Variants in RBM6 observed in about 807,000 individuals in gnomAD.
RBM6 encodes the protein RNA binding motif protein 6.
A neutral mutation model predicts 140.4 loss-of-function variants in RBM6; 23 were observed. The observed-to-expected ratio is 0.16, with a 90% confidence interval of 0.12 to 0.23. RBM6 has a LOEUF of 0.23. Among genes scored for constraint, RBM6 ranks in the 10% least tolerant of loss-of-function variants. The pLI is 1.00. For synonymous variants in RBM6, 439 were observed against 475.6 expected, an observed-to-expected ratio of 0.92 and a Z score of 1.00; for missense variants, 1,139 against 1,386.7, an observed-to-expected ratio of 0.82 and a Z score of 2.84.
intron 8 of RBM6, among the ~76,000 whole-genome samples, chr3:50,055,217 C>T (rs1181619560): frequency 6.6e-6 from 1 of 152,220 alleles, no homozygotes; most frequent in Non-Finnish European, 1.5e-5. Flanking sequence ...CACCTGTGGT[C>T]AGGAGTTCAA....
At chr3:50,067,732 C>G (rs1027635001) in intron 17 of RBM6, among the ~76,000 whole-genome samples, 2 of 152,222 alleles carry the variant, frequency 1.3e-5, no homozygotes, top group Non-Finnish European at 2.9e-5. Context: ...TAAATGGACT[C>G]ACATTCTCAG....
intron 5 of RBM6, among the ~76,000 whole-genome samples, chr3:49,984,624 TC>T (rs2085471813): frequency 1.7e-4 from 7 of 40,538 alleles, no homozygotes; most frequent in Admixed American, 1.2e-3. Context: ...TCGCATCGCA[TC>T]GCATCGCATC....
rs1218531158 is a variant in RBM6, at chr3:49,951,843, C to G, written c.-66-10733C>G. ...GTTCAAGTGATTCTTCTGCCTCAAC[C>G]TCCCAAGTAGCTGGGAATACAGGTG... is the stretch of plus-strand genomic sequence containing the variant. On this transcript the variant is annotated intron_variant, in intron 1 of 20. Coordinates refer to ENST00000266022, the MANE Select transcript of RBM6 (RefSeq NM_005777.3). 3.3e-5 allele frequency among the ~76,000 whole-genome samples: 5 copies of G among 152,164 alleles called. No homozygotes were observed. The South Asian group carries it at 6.2e-4, about 19-fold the overall frequency.
chr3:50,075,308 C>T lies in RBM6; in HGVS notation c.3224C>T (p.Pro1075Leu). 6.2e-7 allele frequency: 1 copy of T among 1,613,720 alleles called. No individual in the cohort carries two copies. ...RKGTGLGYGH[P>L]GLASSEEAEG... ...GGGACAGGCCTGGGATATGGCCATC[C>T]TGGATTGGCTTCATCAGAGGAGGTA... The change falls in exon 20 of 21, where the codon CCT becomes CTT. Residue 1075 changes from proline to leucine, a missense_variant. Coordinates refer to ENST00000266022, the MANE Select transcript of RBM6 (RefSeq NM_005777.3).
At chr3:49,997,802 GT>G (rs2086155087) in intron 5 of RBM6, among the ~76,000 whole-genome samples, 1 of 152,200 alleles carries the variant, frequency 6.6e-6, no homozygotes, top group African/African-American at 2.4e-5. Context: ...TGTTCAATGA[GT>G]TTGATCAAGA....
chr3:50,009,806 C>T (rs1050052243), intron 6 of RBM6, among the ~76,000 whole-genome samples: 1 of 152,084 alleles, frequency 6.6e-6, no homozygotes, highest in Non-Finnish European at 1.5e-5. Flanking sequence ...CTCAAGCAGT[C>T]CTGCCTCAGA....
chr3:49,994,642 C>A (rs1227897318), intron 5 of RBM6, among the ~76,000 whole-genome samples: 1 of 145,790 alleles, frequency 6.9e-6, no homozygotes, highest in African/African-American at 2.7e-5. Flanking sequence ...AAAAATAATA[C>A]TTTTTGTTTG....
chr3:49,980,618 C>T (rs1029766129), intron 5 of RBM6, among the ~76,000 whole-genome samples: 13 of 151,284 alleles, frequency 8.6e-5, no homozygotes, highest in African/African-American at 2.2e-4. Context: ...AAAAATTAGC[C>T]GGGCGTGGTG....
intron 6 of RBM6, among the ~76,000 whole-genome samples, chr3:50,012,336 C>A (rs1048410921): frequency 6.6e-6 from 1 of 152,020 alleles, no homozygotes; most frequent in Non-Finnish European, 1.5e-5. Context: ...GCATGAACCA[C>A]CATGCCCAGT....
chr3:49,949,495 C>T (rs1359312774), intron 1 of RBM6, among the ~76,000 whole-genome samples: 1 of 151,916 alleles, frequency 6.6e-6, no homozygotes, highest in Non-Finnish European at 1.5e-5. Flanking sequence ...CGGGTTCAAG[C>T]GATTCTCCTG....
At chr3:49,992,134 A>G (rs1316846906) in intron 5 of RBM6, among the ~76,000 whole-genome samples, 3 of 151,822 alleles carry the variant, frequency 2.0e-5, no homozygotes, top group Non-Finnish European at 4.4e-5. Context: ...AACCTTTTGT[A>G]GAGATAGTGT....
chr3:50,051,960 CT>C (rs1217046314), intron 7 of RBM6, among the ~76,000 whole-genome samples: 7 of 152,140 alleles, frequency 4.6e-5, no homozygotes, highest in Admixed American at 2.6e-4. Context: ...CACTAGATTT[CT>C]TTTGGGGTGA....
At chr3:49,979,476 G>C (rs532341524) in intron 5 of RBM6, among the ~76,000 whole-genome samples, 1 of 136,358 alleles carries the variant, frequency 7.3e-6, no homozygotes. Context: ...TCTTGCTCCC[G>C]TTGTGTAGGC....
chr3:49,955,844 G>GTCTCTCTCTC (rs150607037), intron 1 of RBM6, among the ~76,000 whole-genome samples: 1 of 145,014 alleles, frequency 6.9e-6, no homozygotes, highest in African/African-American at 2.5e-5. Context: ...CTCTCTCTGT[G>GTCTCTCTCTC]TCTCTCTCTC....
At chr3:49,979,115 C>T (rs2085187443) in intron 5 of RBM6, among the ~76,000 whole-genome samples, 1 of 152,104 alleles carries the variant, frequency 6.6e-6, no homozygotes, top group Non-Finnish European at 1.5e-5. Flanking sequence ...GAATGAAATA[C>T]TGATGTATGC....
At chr3:49,956,251 G>A (rs1241864167) in intron 1 of RBM6, among the ~76,000 whole-genome samples, 2 of 149,676 alleles carry the variant, frequency 1.3e-5, no homozygotes, top group African/African-American at 2.5e-5. Context: ...CTCAAACTGG[G>A]TTCAAACAAT....
intron 9 of RBM6, 28 bp downstream of exon 9, chr3:50,058,031 G>A: frequency 6.2e-7 from 1 of 1,604,674 alleles, no homozygotes; most frequent in Admixed American, 1.7e-5. Flanking sequence ...GCACATACCA[G>A]ACTGTGATCA....
intron 6 of RBM6, among the ~76,000 whole-genome samples, chr3:50,009,436 T>C (rs1256027461): frequency 6.6e-6 from 1 of 152,246 alleles, no homozygotes; most frequent in African/African-American, 2.4e-5. Context: ...AGTATATCTT[T>C]ATGTCCCCCT....
At position 50,062,176 on chromosome 3, in the gene RBM6, G is replaced by A. The variant is rs2089966085; in HGVS notation, c.2586+68G>A. ...TTAAAATGTTGGAGGTACGAACAGA[G>A]GATATCTATGTTTGCAAGTGTAAAG... On this transcript the variant is annotated intron_variant, in intron 15 of 20. Coordinates refer to ENST00000266022, the MANE Select transcript of RBM6 (RefSeq NM_005777.3). The A allele has an allele frequency of 2.0e-6, 3 of 1,523,392 alleles. No homozygotes were observed. The South Asian group carries it at 3.8e-5, about 19-fold the overall frequency. The allele number at this position is 1,523,392 out of a possible 1,614,324, so 94.4% of individuals were successfully genotyped here.
Sources: allele counts gnomAD v4.1 joint callset (sites outside exome capture counted in the v4.1 genomes callset), GRCh38; gene constraint gnomAD v4.1.1; transcripts MANE v1.5; gene names NCBI Gene and HGNC (gene_info 2026-07-23, HGNC 2026-07-21).